STT3A: variants seen among roughly 807,000 people sequenced by gnomAD.
The protein encoded by STT3A is dolichyl-diphosphooligosaccharide--protein glycosyltransferase subunit STT3A.
Under a neutral mutation model 89.2 loss-of-function variants are expected in STT3A, and 34 were observed. That is an observed-to-expected ratio of 0.38 (90% CI 0.29 to 0.51). The LOEUF is 0.51. Ranked by LOEUF, STT3A falls within the 20% of genes least tolerant of loss-of-function variation. The pLI is 0.89. For synonymous variants in STT3A, 282 were observed against 310.3 expected, an observed-to-expected ratio of 0.91 and a Z score of 0.96; for missense variants, 555 against 889.5, an observed-to-expected ratio of 0.62 and a Z score of 4.78.
intron 11 of STT3A, among the ~76,000 whole-genome samples, chr11:125,612,354 T>C (rs920988559): frequency 6.6e-5 from 10 of 152,238 alleles, no homozygotes; most frequent in African/African-American, 2.2e-4. Flanking sequence ...ACCACAGTTA[T>C]GAAATATACT....
intron 6 of STT3A, 54 bp downstream of exon 6, chr11:125,604,301 C>T (rs1939774341): frequency 2.6e-6 from 4 of 1,562,878 alleles, no homozygotes; most frequent in Non-Finnish European, 2.6e-6. Context: ...TCCAACAGAG[C>T]TTCACAAAGT....
At position 125,606,585 on chromosome 11, in the gene STT3A, C is replaced by G. The variant is rs181075971; in HGVS notation, c.780+120C>G. 2.7e-6 allele frequency: 3 copies of G among 1,130,714 alleles called. No individual in the cohort carries two copies. The Admixed American group carries it at 8.6e-5, about 33-fold the overall frequency. 70.0% of individuals were successfully genotyped at this position (1,130,714 alleles called of 1,614,324 possible). A position where few individuals can be genotyped will look rare whatever the true frequency, so the allele number is the denominator to read the frequency against. On this transcript the variant is annotated intron_variant, in intron 8 of 17. Transcript: ENST00000392708. ...ACTTATTCACAGCCTTTATATTGAA[C>G]TACTTGTGTTAGTTGAAGCAACAGA...
In STT3A at chr11:125,621,001, G is replaced by T. The variant is rs1341982754; in HGVS notation, c.*191G>T. 4.3e-6 allele frequency: 2 copies of T among 462,778 alleles called. No individual in the cohort carries two copies. The highest frequency in any genetic ancestry group is 1.1e-3 in the Middle Eastern group (2 of 1,800). 28.7% of individuals were successfully genotyped at this position (462,778 alleles called of 1,614,324 possible). Reference sequence around the variant, plus strand: ...AAATGATTTTTATAATTCTAAACAGGTTACCAAATGAAATGTCATGGCTTT... The same window carrying T: ...AAATGATTTTTATAATTCTAAACAGTTTACCAAATGAAATGTCATGGCTTT... On this transcript the variant is annotated 3_prime_UTR_variant, in exon 18 of 18. Coordinates refer to ENST00000392708, the MANE Select transcript of STT3A (RefSeq NM_152713.5).
intron 3 of STT3A, among the ~76,000 whole-genome samples, 196 bp from the exon 4 acceptor site, chr11:125,602,107 T>A (rs547524977): frequency 1.3e-5 from 2 of 152,266 alleles, no homozygotes; most frequent in Admixed American, 6.5e-5. Context: ...CATTTCCTTA[T>A]GAGAAAAGCA....
intron 1 of STT3A, chr11:125,593,554 A>G (rs528487074): frequency 2.0e-5 from 3 of 152,304 alleles, no homozygotes; most frequent in South Asian, 2.1e-4. Context: ...CGTTTACTCA[A>G]GTTTTCAAGT....
At chr11:125,609,808 CATTT>C in intron 10 of STT3A, 1 of 472,554 alleles carries the variant, frequency 2.1e-6, no homozygotes, top group South Asian at 4.4e-5. Context: ...GTTTTCTGTT[CATTT>C]GTCATTTGTG....
chr11:125,607,631 G>A (rs1055836332), intron 8 of STT3A, among the ~76,000 whole-genome samples: 1 of 152,208 alleles, frequency 6.6e-6, no homozygotes, highest in Non-Finnish European at 1.5e-5. Flanking sequence ...AGCGATCTGT[G>A]CTTCGACACT....
At chr11:125,601,359 A>G (rs1939670980) in intron 3 of STT3A, among the ~76,000 whole-genome samples, 1 of 152,178 alleles carries the variant, frequency 6.6e-6, no homozygotes. Context: ...GGTGGCTCAC[A>G]CCTGTAATCC....
At chr11:125,618,272 C>A in intron 15 of STT3A, 101 bp from the exon 16 acceptor site, 1 of 1,077,492 alleles carries the variant, frequency 9.3e-7, no homozygotes, top group Non-Finnish European at 1.3e-6. Flanking sequence ...TGATACCAAT[C>A]CCCATTAAAA....
In STT3A at chr11:125,614,022, C is replaced by G. The variant is rs1316955401; in HGVS notation, c.1555-65C>G. The G allele has an allele frequency of 1.4e-6, 2 of 1,447,556 alleles. No individual in the cohort carries two copies. The highest frequency in any genetic ancestry group is 9.7e-7 in the Non-Finnish European group (1 of 1,033,148). The allele number at this position is 1,447,556 out of a possible 1,614,324, so 89.7% of individuals were successfully genotyped here. A position where few individuals can be genotyped will look rare whatever the true frequency, so the allele number is the denominator to read the frequency against. ...TTCTGTCAGACCAAAGATGCCTTCT[C>G]TGTTGCATTTGATTTTTAGAGACAG... On this transcript the variant is annotated intron_variant, in intron 13 of 17. Coordinates refer to ENST00000392708, the MANE Select transcript of STT3A (RefSeq NM_152713.5). This position sits in a 1 kb window ranked among gnomAD's most constrained non-coding sequence, Gnocchi z 4.9.
At chr11:125,617,845 G>A (rs1334433244) in intron 15 of STT3A, among the ~76,000 whole-genome samples, 3 of 152,164 alleles carry the variant, frequency 2.0e-5, no homozygotes, top group Non-Finnish European at 4.4e-5. Flanking sequence ...ATCAAACTAA[G>A]TATAAAGAAA....
At position 125,609,504 on chromosome 11, in the gene STT3A, C is replaced by G; in HGVS notation, c.1032C>G (p.Pro344=). 6.2e-7 allele frequency: 1 copy of G among 1,614,166 alleles called. No individual in the cohort carries two copies. The highest frequency in any genetic ancestry group is 8.5e-7 in the Non-Finnish European group (1 of 1,180,036). The change falls in exon 10 of 18, where the codon CCC becomes CCG. Residue 344 remains proline, a synonymous_variant. Transcript: ENST00000392708. The part of the protein sequence containing the change: ...LDPSYAKNNI[P]IIASVSEHQP... Reference sequence around the variant, plus strand: ...CCTCTTATGCTAAGAACAACATCCCCATCATTGCTTCTGTGTCTGAGCATC... The same window carrying G: ...CCTCTTATGCTAAGAACAACATCCCGATCATTGCTTCTGTGTCTGAGCATC...
upstream of STT3A, chr11:125,592,735 G>A (rs569717202): frequency 4.0e-5 from 12 of 296,704 alleles, no homozygotes; most frequent in Non-Finnish European, 6.8e-5. Flanking sequence ...TCGCGGCCCG[G>A]TTTACGCCTC....
intron 3 of STT3A, among the ~76,000 whole-genome samples, chr11:125,600,536 AT>A (rs111576073): frequency 3.3e-5 from 5 of 149,362 alleles, no homozygotes; most frequent in African/African-American, 9.9e-5. Context: ...TGATTGTTGT[AT>A]TTTTTTTTAG....
At chr11:125,604,078 C>T in intron 5 of STT3A, 79 bp from the exon 6 acceptor site, 1 of 1,441,404 alleles carries the variant, frequency 6.9e-7, no homozygotes, top group Non-Finnish European at 9.6e-7. Flanking sequence ...TCATTATAAA[C>T]AGAATGGACT....
intron 9 of STT3A, chr11:125,608,514 CG>C: frequency 2.7e-6 from 1 of 369,022 alleles, no homozygotes; most frequent in Non-Finnish European, 4.9e-6. Flanking sequence ...TTAGTAGAGA[CG>C]GGGTTTCTCC....
At position 125,602,409 on chromosome 11, in the gene STT3A, G is replaced by T; in HGVS notation, c.256G>T (p.Gly86Ter). The T allele has an allele frequency of 6.2e-7, 1 of 1,608,644 alleles. No homozygotes were observed. The highest frequency in any genetic ancestry group is 8.5e-7 in the Non-Finnish European group (1 of 1,177,982). The change falls in exon 4 of 18, where the codon GGA becomes TGA. Residue 86 changes from glycine (G) to a stop codon, truncating the protein, a stop_gained. Coordinates refer to ENST00000392708, the MANE Select transcript of STT3A (RefSeq NM_152713.5). LOFTEE classifies it high-confidence loss of function. The stretch of plus-strand genomic sequence containing the variant: ...GTACCCTTTGGGACGAATCATTGGA[G>T]GAACAATTTACCCAGGTGAGGAGAC... ...AWYPLGRIIG[G>*]TIYPGLMITS... is the part of the protein sequence containing the mutation.
At position 125,602,336 on chromosome 11, in the gene STT3A, T is replaced by C. The variant is rs1318164394; in HGVS notation, c.183T>C (p.Ala61=). ...ATTATCGGACTACCAGGTTCCTGGCTGAGGAGGGGTTTTATAAATTCCATA... is the reference window on the plus strand; with the variant it reads ...ATTATCGGACTACCAGGTTCCTGGCCGAGGAGGGGTTTTATAAATTCCATA... ...YFNYRTTRFL[A]EEGFYKFHNW... Residue 61 remains alanine (A), a synonymous_variant, in exon 4 of 18, where the codon GCT becomes GCC. Transcript: ENST00000392708. The C allele has an allele frequency of 2.5e-6, 4 of 1,613,814 alleles. No homozygotes were observed. The highest frequency in any genetic ancestry group is 3.4e-6 in the Non-Finnish European group (4 of 1,179,952).
rs780005501 is a variant in STT3A at position 125,620,849 on chromosome 11, A to G, written c.*39A>G. The G allele has an allele frequency of 1.8e-5, 28 of 1,552,286 alleles. No individual in the cohort carries two copies. Among genetic ancestry groups the G allele is most frequent in the Middle Eastern group, 3.4e-4 (2 of 5,844 alleles). On this transcript the variant is annotated 3_prime_UTR_variant, in exon 18 of 18. Transcript: ENST00000392708. Reference sequence around the variant, plus strand: ...CTCTGATATGCTTCGCACTGAGCACATCACATTTAGGACGTTGAAGATTTT... The same window carrying G: ...CTCTGATATGCTTCGCACTGAGCACGTCACATTTAGGACGTTGAAGATTTT...
Sources: gnomAD v4.1 joint callset for allele counts (sites outside exome capture counted in the v4.1 genomes callset) on GRCh38, gnomAD v4.1.1 for gene constraint, Gnocchi (gnomAD v3.1) non-coding constraint, MANE v1.5 for transcripts, NCBI Gene and HGNC (gene_info 2026-07-23, HGNC 2026-07-21) for gene names.